The following MORC1 variants were observed in gnomAD, a reference collection of about 807,000 sequenced individuals.
MORC1 encodes MORC family CW-type zinc finger 1, also known as MORC family CW-type zinc finger protein 1.
A neutral mutation model predicts 134.9 loss-of-function variants in MORC1; 59 were observed. That is an observed-to-expected ratio of 0.44 (90% confidence interval 0.35 to 0.54). MORC1 has a LOEUF of 0.54. Ranked by LOEUF, MORC1 falls within the 20% of genes least tolerant of loss-of-function variation. The pLI is 0.00. For synonymous variants in MORC1, 395 were observed against 391.7 expected (o/e 1.01, Z -0.10); for missense variants, 947 against 1,134.5 (o/e 0.83, Z 2.37).
intron 24 of MORC1, among the ~76,000 whole-genome samples, chr3:108,975,102 C>G (rs375708253): frequency 6.6e-6 from 1 of 152,194 alleles, no homozygotes; most frequent in Non-Finnish European, 1.5e-5. Flanking sequence ...TCTTTCTAAA[C>G]ATGGTAGACA....
chr3:108,984,067 C>T (rs900267722), intron 23 of MORC1, among the ~76,000 whole-genome samples: 2 of 152,166 alleles, frequency 1.3e-5, no homozygotes, highest in East Asian at 1.9e-4. Flanking sequence ...TGACTCACTA[C>T]CCTGTCAGCA....
intron 14 of MORC1, among the ~76,000 whole-genome samples, chr3:109,043,537 A>G (rs1039815314): frequency 1.3e-5 from 2 of 152,158 alleles, no homozygotes; most frequent in East Asian, 3.9e-4. Context: ...TCAACTGTAC[A>G]CTTAAAAGTG....
chr3:109,031,731 T>C (rs950996192), intron 16 of MORC1, among the ~76,000 whole-genome samples: 1 of 152,104 alleles, frequency 6.6e-6, no homozygotes, highest in South Asian at 2.1e-4. Context: ...TTCTGCAGAG[T>C]AGGGAACAGA....
chr3:109,065,440 G>C (rs1297497483), intron 9 of MORC1, among the ~76,000 whole-genome samples: 1 of 152,126 alleles, frequency 6.6e-6, no homozygotes, highest in Non-Finnish European at 1.5e-5. Context: ...CACCATCCAA[G>C]ATATCTCCTG....
chr3:108,992,152 A>G (rs1195635941), intron 21 of MORC1, among the ~76,000 whole-genome samples: 2 of 152,076 alleles, frequency 1.3e-5, no homozygotes, highest in Admixed American at 6.6e-5. Flanking sequence ...TTTCAATGTG[A>G]TTCTAAGTTA....
At chr3:109,010,675 C>T (rs565358838) in intron 17 of MORC1, among the ~76,000 whole-genome samples, 1 of 152,314 alleles carries the variant, frequency 6.6e-6, no homozygotes, top group Non-Finnish European at 1.5e-5. Context: ...TCCAACCCTG[C>T]CCCATCCCTA....
At chr3:109,094,200 A>C (rs1950784939) in intron 7 of MORC1, among the ~76,000 whole-genome samples, 3 of 152,130 alleles carry the variant, frequency 2.0e-5, no homozygotes, top group Admixed American at 2.0e-4. Flanking sequence ...TAATTTGCTG[A>C]CCCCTGCTCC....
chr3:109,024,529 C>G (rs186468455), intron 17 of MORC1, among the ~76,000 whole-genome samples: 2 of 152,264 alleles, frequency 1.3e-5, no homozygotes, highest in East Asian at 3.9e-4. Flanking sequence ...TTTACCTGGT[C>G]AACCTTTCAT....
intron 16 of MORC1, 114 bp from the exon 17 acceptor site, chr3:109,028,003 T>G: frequency 8.8e-7 from 1 of 1,142,738 alleles, no homozygotes; most frequent in Non-Finnish European, 1.2e-6. Context: ...ATATCCAAAA[T>G]TCAAATAGGA....
chr3:109,102,827 G>GT (rs1028931827), intron 4 of MORC1, among the ~76,000 whole-genome samples: 8 of 152,204 alleles, frequency 5.3e-5, no homozygotes, highest in East Asian at 1.9e-4. Context: ...TTCAGCATGG[G>GT]TTTTTTCTGT....
At chr3:109,049,249 A>C (rs79546632) in intron 14 of MORC1, 68,736 of 442,338 alleles carry the variant, frequency 0.16, 5,581 homozygotes, top group Admixed American at 0.2. Context: ...AGCTACATCC[A>C]GGTACTACAG....
chr3:109,051,989 C>T (rs1229460343), intron 14 of MORC1, among the ~76,000 whole-genome samples: 4 of 152,154 alleles, frequency 2.6e-5, no homozygotes, highest in Non-Finnish European at 5.9e-5. Flanking sequence ...TAATGCCTAC[C>T]TCTTTCTGAA....
At chr3:109,105,347 AC>A (rs375288261) in intron 3 of MORC1, among the ~76,000 whole-genome samples, 3 of 152,226 alleles carry the variant, frequency 2.0e-5, no homozygotes, top group African/African-American at 7.2e-5. Flanking sequence ...ACATGGTGAA[AC>A]CCTGTCTCTA....
At chr3:109,061,425 G>C (rs552160034) in intron 11 of MORC1, among the ~76,000 whole-genome samples, 2 of 150,646 alleles carry the variant, frequency 1.3e-5, no homozygotes, top group East Asian at 3.9e-4. Flanking sequence ...TGGGCATATT[G>C]TTAAGAATTA....
chr3:108,973,969 A>C (rs953939906), intron 24 of MORC1, among the ~76,000 whole-genome samples: 4 of 152,134 alleles, frequency 2.6e-5, no homozygotes, highest in Non-Finnish European at 5.9e-5. Flanking sequence ...AGTTTCATGT[A>C]ATCTTTATGG....
At chr3:109,055,299 A>G (rs947075393) in intron 13 of MORC1, among the ~76,000 whole-genome samples, 23 of 152,172 alleles carry the variant, frequency 1.5e-4, no homozygotes, top group Non-Finnish European at 8.8e-5. Flanking sequence ...TCTCCTCTTC[A>G]TTGCAGAGGT....
intron 8 of MORC1, among the ~76,000 whole-genome samples, chr3:109,091,556 G>T (rs1314304327): frequency 6.6e-6 from 1 of 152,038 alleles, no homozygotes; most frequent in African/African-American, 2.4e-5. Context: ...CAATGAAGTG[G>T]AATTAAGGGC....
chr3:109,039,541 G>C (rs974393474), intron 14 of MORC1, among the ~76,000 whole-genome samples: 1 of 152,070 alleles, frequency 6.6e-6, no homozygotes, highest in African/African-American at 2.4e-5. Flanking sequence ...TAACTATTTG[G>C]GAACTCTGGA....
chr3:109,095,499 G>C (rs1290802715), intron 6 of MORC1, among the ~76,000 whole-genome samples: 1 of 152,120 alleles, frequency 6.6e-6, no homozygotes, highest in Non-Finnish European at 1.5e-5. Flanking sequence ...AGTTGGGGTA[G>C]GGGGAGAAGA....
Sources: gnomAD v4.1 joint callset for allele counts (sites outside exome capture counted in the v4.1 genomes callset) on GRCh38, gnomAD v4.1.1 for gene constraint, MANE v1.5 for transcripts, NCBI Gene and HGNC (gene_info 2026-07-23, HGNC 2026-07-21) for gene names.